ADAM12: variants seen among roughly 807,000 people sequenced by gnomAD.
The protein encoded by ADAM12 is disintegrin and metalloproteinase domain-containing protein 12.
In ADAM12, 70 loss-of-function variants were observed where a neutral mutation model predicts 106.4. The observed-to-expected ratio is 0.66, with a 90% CI of 0.54 to 0.80. The LOEUF is 0.80. Among genes scored for constraint, ADAM12 ranks in the 30% least tolerant of loss-of-function variants. The pLI, the probability that ADAM12 is intolerant of heterozygous loss-of-function variation, is 0.00. For missense variants in ADAM12, 1,010 were observed against 1,171.9 expected, an observed-to-expected ratio of 0.86 and a Z score of 2.02; for synonymous variants, 420 against 433.5, an observed-to-expected ratio of 0.97 and a Z score of 0.39.
intron 1 of ADAM12, among the ~76,000 whole-genome samples, chr10:126,372,032 A>G (rs751669171): frequency 6.6e-6 from 1 of 152,238 alleles, no homozygotes; most frequent in Non-Finnish European, 1.5e-5. Context: ...GTCCTGGTTA[A>G]CAGAGATGCC....
intron 2 of ADAM12, among the ~76,000 whole-genome samples, chr10:126,301,852 CCAGGCGTAGTTAATA>C (rs2133800428): frequency 6.6e-6 from 1 of 152,310 alleles, no homozygotes; most frequent in African/African-American, 2.4e-5. Flanking sequence ...TCCCTAACTT[CCAGGCGTAGTTAATA>C]CTCTGCCTCC....
At chr10:126,248,727 T>A (rs920928424) in intron 3 of ADAM12, among the ~76,000 whole-genome samples, 2 of 143,006 alleles carry the variant, frequency 1.4e-5, no homozygotes, top group Admixed American at 6.9e-5. Flanking sequence ...TTATTTATTT[T>A]GAGACAGAGT....
chr10:126,165,701 C>T (rs767536688), intron 3 of ADAM12, among the ~76,000 whole-genome samples: 8 of 152,150 alleles, frequency 5.3e-5, no homozygotes, highest in South Asian at 2.1e-4. Flanking sequence ...ATGGTTCTGA[C>T]GGTCTGAAAA....
At chr10:126,339,506 C>T (rs571499684) in intron 1 of ADAM12, among the ~76,000 whole-genome samples, 2 of 152,286 alleles carry the variant, frequency 1.3e-5, no homozygotes, top group South Asian at 4.1e-4. Flanking sequence ...CTTTTGTCTT[C>T]TAAAAGATGC....
At chr10:126,298,358 G>A (rs1408386874) in intron 2 of ADAM12, among the ~76,000 whole-genome samples, 1 of 152,200 alleles carries the variant, frequency 6.6e-6, no homozygotes, top group Non-Finnish European at 1.5e-5. Context: ...CAGAGAACTA[G>A]AGCCACATGG....
intron 19 of ADAM12, among the ~76,000 whole-genome samples, chr10:126,038,948 A>ATTTT (rs1590319092): frequency 2.0e-5 from 2 of 100,600 alleles, no homozygotes; most frequent in East Asian, 3.3e-4. Flanking sequence ...CTGAGACACC[A>ATTTT]TTTCTTTTTT....
intron 10 of ADAM12, among the ~76,000 whole-genome samples, chr10:126,095,533 CAAAAAAA>C (rs11396229): frequency 8.6e-5 from 4 of 46,576 alleles, no homozygotes; most frequent in African/African-American, 4.6e-4. Flanking sequence ...GACTCTGTCT[CAAAAAAA>C]AAAAAAAAAA....
intron 21 of ADAM12, among the ~76,000 whole-genome samples, chr10:126,031,376 G>C (rs1023629078): frequency 6.6e-6 from 1 of 152,236 alleles, no homozygotes; most frequent in African/African-American, 2.4e-5. Flanking sequence ...AGGTCCAGAA[G>C]GGCACATGCC....
intron 3 of ADAM12, among the ~76,000 whole-genome samples, chr10:126,259,682 G>C (rs1464618915): frequency 1.3e-5 from 2 of 152,194 alleles, no homozygotes; most frequent in African/African-American, 2.4e-5. Flanking sequence ...ATGGGTTAGA[G>C]AGAGAAAGTA....
At position 126,108,590 on chromosome 10, in the gene ADAM12, T is replaced by TA; in HGVS notation, c.741+2dup. ...ATGATTTAACTACTGAAAAAGAACTTACCTTGTCAACGTGATTAGCAATCT... is the reference window on the plus strand; with the variant it reads ...ATGATTTAACTACTGAAAAAGAACTTAACCTTGTCAACGTGATTAGCAATCT... On this transcript the variant is annotated splice_region_variant and intron_variant, in intron 8 of 22. Transcript: ENST00000448723. 1 of 1,612,982 alleles carries TA rather than the reference T, an allele frequency of 6.2e-7. No individual in the cohort carries two copies. Among genetic ancestry groups the TA allele is most frequent in the Non-Finnish European group, 8.5e-7 (1 of 1,178,910 alleles).
At chr10:126,269,118 G>T (rs147570265) in intron 3 of ADAM12, among the ~76,000 whole-genome samples, 6 of 152,262 alleles carry the variant, frequency 3.9e-5, no homozygotes, top group Admixed American at 3.9e-4. Context: ...ACGTTGCCAC[G>T]GCATTTGTAA....
intron 14 of ADAM12, among the ~76,000 whole-genome samples, chr10:126,061,993 A>T (rs1954766006): frequency 6.6e-6 from 1 of 152,174 alleles, no homozygotes; most frequent in Admixed American, 6.5e-5. Flanking sequence ...AGGTGGTCAA[A>T]GGCCCATTCC....
chr10:126,322,597 C>T (rs757820191), intron 2 of ADAM12, among the ~76,000 whole-genome samples: 23 of 152,236 alleles, frequency 1.5e-4, no homozygotes, highest in Admixed American at 2.6e-4. Context: ...TAGGAGGACC[C>T]GGTGAGGGAC....
intron 3 of ADAM12, among the ~76,000 whole-genome samples, chr10:126,158,355 GGATGCACAGAGCATGGGAA>G (rs1407582873): frequency 1.3e-5 from 1 of 78,952 alleles, no homozygotes; most frequent in Non-Finnish European, 3.0e-5. Flanking sequence ...AGAGCATGAG[GGATGCACAGAGCATGGGAA>G]GATGCACAGA....
Position 126,154,448 on chromosome 10 carries a change from A to T in ADAM12, c.339+779T>A, listed in dbSNP as rs543999614. ...AGTGATAAAGAAAAGTGTTGGTGTC[A>T]TGCAGAGAAGGGAGGAATCACTGCA... On this transcript the variant is annotated intron_variant, in intron 4 of 22. Coordinates refer to ENST00000448723, the MANE Select transcript of ADAM12 (RefSeq NM_001288973.2). Among the ~76,000 whole-genome samples, 3 of 152,368 alleles carry T rather than the reference A, an allele frequency of 2.0e-5. 1 individual carries two copies. Among genetic ancestry groups the T allele is most frequent in the African/African-American group, 7.2e-5 (3 of 41,592 alleles).
intron 2 of ADAM12, among the ~76,000 whole-genome samples, chr10:126,313,236 G>T (rs968672133): frequency 6.6e-6 from 1 of 152,160 alleles, no homozygotes; most frequent in Non-Finnish European, 1.5e-5. Context: ...GTATCTTCAT[G>T]GCTCAGCAGC....
intron 3 of ADAM12, among the ~76,000 whole-genome samples, chr10:126,267,290 A>G (rs1565179284): frequency 6.6e-6 from 1 of 152,032 alleles, no homozygotes; most frequent in African/African-American, 2.4e-5. Flanking sequence ...ATGGAAGACA[A>G]TTTTTCCATG....
chr10:126,031,053 C>T (rs138358772), intron 21 of ADAM12, among the ~76,000 whole-genome samples: 19 of 152,228 alleles, frequency 1.2e-4, no homozygotes, highest in East Asian at 3.9e-4. Context: ...CTCCAGGCTA[C>T]GGCAGCAGGT....
intron 3 of ADAM12, among the ~76,000 whole-genome samples, chr10:126,264,842 C>A (rs547799333): frequency 6.6e-6 from 1 of 152,302 alleles, no homozygotes; most frequent in African/African-American, 2.4e-5. Context: ...AACACTGGAA[C>A]CAGTTCCTGC....
Sources: gnomAD v4.1 joint callset for allele counts (sites outside exome capture counted in the v4.1 genomes callset) on GRCh38, gnomAD v4.1.1 for gene constraint, MANE v1.5 for transcripts, NCBI Gene and HGNC (gene_info 2026-07-23, HGNC 2026-07-21) for gene names.